The following SLC2A13 variants were observed in gnomAD, a reference collection of about 807,000 sequenced individuals.
The protein encoded by SLC2A13 is proton myo-inositol cotransporter.
Under a neutral mutation model 64.4 loss-of-function variants are expected in SLC2A13, and 32 were observed. The ratio of observed to expected loss-of-function variants is 0.50; its 90% CI spans 0.37 to 0.67. SLC2A13 has a LOEUF of 0.67. SLC2A13 is among the 30% of genes least tolerant of loss of function. SLC2A13 has a pLI of 0.00. For synonymous variants in SLC2A13, 338 were observed against 327.1 expected, an observed-to-expected ratio of 1.03 and a Z score of -0.36; for missense variants, 743 against 829.2, an observed-to-expected ratio of 0.90 and a Z score of 1.28.
rs894388423 is a variant in SLC2A13, at chr12:40,101,182, T to TA, written c.556+4070dup. ...ACCAAAGATGACTCTGGTGAACCAA[T>TA]AAAAAAAAAAGAAAAGAAAACCCAA... is the stretch of plus-strand genomic sequence containing the variant. On this transcript the variant is annotated intron_variant, in intron 1 of 9. Coordinates refer to ENST00000280871, the MANE Select transcript of SLC2A13 (RefSeq NM_052885.4). Among the ~76,000 whole-genome samples the TA allele has an allele frequency of 4.5e-3, 613 of 137,540 alleles. 3 individuals carry two copies. Among genetic ancestry groups the TA allele is most frequent in the African/African-American group, 0.015 (554 of 37,206 alleles). 90.2% of individuals were successfully genotyped at this position (137,540 alleles called of 152,430 possible). A position where few individuals can be genotyped will look rare whatever the true frequency, so the allele number is the denominator to read the frequency against.
chr12:40,035,833 T>C (rs1283936078), intron 2 of SLC2A13, among the ~76,000 whole-genome samples: 1 of 152,200 alleles, frequency 6.6e-6, no homozygotes, highest in Non-Finnish European at 1.5e-5. Context: ...GTCATGATTA[T>C]AGTGGAAGAA....
At chr12:39,912,482 G>T (rs1262029096) in intron 4 of SLC2A13, among the ~76,000 whole-genome samples, 1 of 151,978 alleles carries the variant, frequency 6.6e-6, no homozygotes, top group Non-Finnish European at 1.5e-5. Context: ...CTACAGCCAA[G>T]AAACCTTGGG....
intron 7 of SLC2A13, among the ~76,000 whole-genome samples, chr12:39,773,534 C>G (rs772678571): frequency 2.0e-5 from 3 of 152,198 alleles, no homozygotes; most frequent in Non-Finnish European, 4.4e-5. Flanking sequence ...AATGTTACCT[C>G]TCCATCATTT....
intron 7 of SLC2A13, among the ~76,000 whole-genome samples, chr12:39,771,121 C>T (rs1027268743): frequency 6.6e-6 from 1 of 152,138 alleles, no homozygotes. Context: ...TGCATTAACA[C>T]CATCCTAATT....
intron 1 of SLC2A13, among the ~76,000 whole-genome samples, chr12:40,074,399 T>C (rs1365472335): frequency 2.0e-5 from 3 of 152,102 alleles, no homozygotes; most frequent in African/African-American, 7.2e-5. Flanking sequence ...ACTCCCAGTC[T>C]CAAGTGATTC....
At chr12:40,086,192 AC>A (rs1938583065) in intron 1 of SLC2A13, among the ~76,000 whole-genome samples, 1 of 152,064 alleles carries the variant, frequency 6.6e-6, no homozygotes, top group Admixed American at 6.5e-5. Context: ...AAGTGATGGC[AC>A]CTGGGAGATG....
At chr12:40,061,241 T>C (rs117218197) in intron 1 of SLC2A13, among the ~76,000 whole-genome samples, 2,323 of 152,122 alleles carry the variant, frequency 0.015, 31 homozygotes, top group Non-Finnish European at 0.025. Context: ...ATCTAATACA[T>C]ATAAATGAAT....
At chr12:39,830,336 T>C (rs546691903) in intron 6 of SLC2A13, 108 bp from the exon 7 acceptor site, 2 of 1,478,186 alleles carry the variant, frequency 1.4e-6, no homozygotes, top group African/African-American at 2.8e-5. Flanking sequence ...TGCAGTAAGC[T>C]TGGGGCCTTG....
chr12:39,850,859 T>A (rs943733758), intron 6 of SLC2A13, among the ~76,000 whole-genome samples: 1 of 152,088 alleles, frequency 6.6e-6, no homozygotes, highest in Non-Finnish European at 1.5e-5. Flanking sequence ...ATGATAAAAA[T>A]GAAATATCAG....
intron 7 of SLC2A13, among the ~76,000 whole-genome samples, chr12:39,799,476 G>T (rs11173632): frequency 6.6e-6 from 1 of 151,644 alleles, no homozygotes. Flanking sequence ...AATCCACCCA[G>T]AATAACCTCT....
At chr12:39,787,297 A>T (rs929431027) in intron 7 of SLC2A13, among the ~76,000 whole-genome samples, 15 of 152,230 alleles carry the variant, frequency 9.9e-5, no homozygotes, top group African/African-American at 3.4e-4. Context: ...AATGCTTAGC[A>T]TGAAATGAAA....
At chr12:39,911,384 T>C (rs1200224034) in intron 4 of SLC2A13, among the ~76,000 whole-genome samples, 4 of 152,138 alleles carry the variant, frequency 2.6e-5, no homozygotes, top group African/African-American at 7.3e-5. Flanking sequence ...AATGTAACGA[T>C]TGTTTTTGTC....
intron 7 of SLC2A13, among the ~76,000 whole-genome samples, chr12:39,799,248 C>G (rs1302930746): frequency 9.0e-6 from 1 of 111,282 alleles, no homozygotes; most frequent in East Asian, 2.9e-4. Flanking sequence ...TGCCACTATG[C>G]TTAGCCTTTT....
intron 1 of SLC2A13, among the ~76,000 whole-genome samples, chr12:40,081,447 C>G (rs758748910): frequency 2.6e-5 from 4 of 152,148 alleles, no homozygotes; most frequent in Non-Finnish European, 5.9e-5. Context: ...GGTCTTCAAG[C>G]TCTGAGATTC....
At chr12:39,868,762 C>T (rs1943970058) in intron 5 of SLC2A13, among the ~76,000 whole-genome samples, 1 of 152,014 alleles carries the variant, frequency 6.6e-6, no homozygotes, top group Admixed American at 6.6e-5. Context: ...TAATATTTAC[C>T]AGAAAAGTCC....
At chr12:39,980,944 T>G (rs1165408093) in intron 3 of SLC2A13, among the ~76,000 whole-genome samples, 1 of 151,714 alleles carries the variant, frequency 6.6e-6, no homozygotes, top group Non-Finnish European at 1.5e-5. Flanking sequence ...CCTCAGCAAA[T>G]GTAAAAGAAC....
intron 3 of SLC2A13, among the ~76,000 whole-genome samples, chr12:40,021,299 A>G (rs1947712670): frequency 6.6e-6 from 1 of 152,226 alleles, no homozygotes; most frequent in Non-Finnish European, 1.5e-5. Flanking sequence ...TCCAAGAATG[A>G]TTCCAATTCT....
intron 7 of SLC2A13, among the ~76,000 whole-genome samples, chr12:39,785,845 G>T (rs1941165747): frequency 6.6e-6 from 1 of 152,162 alleles, no homozygotes; most frequent in African/African-American, 2.4e-5. Flanking sequence ...GCTGGATTTT[G>T]GACTTGCATG....
intron 7 of SLC2A13, among the ~76,000 whole-genome samples, chr12:39,790,249 T>C (rs568733487): frequency 2.0e-5 from 3 of 151,816 alleles, no homozygotes; most frequent in East Asian, 1.9e-4. Context: ...CTTTAAGTTT[T>C]AGGGTACATG....
Sources: gnomAD v4.1 joint callset for allele counts (sites outside exome capture counted in the v4.1 genomes callset) on GRCh38, gnomAD v4.1.1 for gene constraint, MANE v1.5 for transcripts, NCBI Gene and HGNC (gene_info 2026-07-23, HGNC 2026-07-21) for gene names.